Variants in DOCK2 observed in about 807,000 individuals in gnomAD.
DOCK2 encodes dedicator of cytokinesis 2, also known as dedicator of cytokinesis protein 2.
Under a neutral mutation model 248.9 loss-of-function variants are expected in DOCK2, and 87 were observed. The ratio of observed to expected loss-of-function variants is 0.35; its 90% CI spans 0.29 to 0.42. The LOEUF (loss-of-function observed/expected upper bound fraction) is 0.42. Among genes scored for constraint, DOCK2 ranks in the 10% least tolerant of loss-of-function variants. The probability of loss-of-function intolerance (pLI) is 1.00; values close to 1 mark genes in which losing one functional copy is unlikely to be tolerated. For missense variants in DOCK2, 1,747 were observed against 2,300.2 expected (o/e 0.76, Z 4.92); for synonymous variants, 805 against 821.6 (o/e 0.98, Z 0.35).
At chr5:169,877,890 G>A (rs866434140) in intron 27 of DOCK2, among the ~76,000 whole-genome samples, 6 of 152,044 alleles carry the variant, frequency 3.9e-5, no homozygotes, top group Admixed American at 6.6e-5. Flanking sequence ...ACCGAAAACC[G>A]TAAGGTTGCA....
intron 30 of DOCK2, among the ~76,000 whole-genome samples, chr5:170,008,210 CAACAACAACAACAACAAA>C: frequency 1.7e-5 from 1 of 58,460 alleles, no homozygotes; most frequent in East Asian, 4.4e-4. Context: ...ACAACAACAA[CAACAACAACAACAACAAA>C]AAAAAAAAAA....
chr5:169,919,942 G>C (rs1240093859), intron 27 of DOCK2, among the ~76,000 whole-genome samples: 2 of 152,168 alleles, frequency 1.3e-5, no homozygotes, highest in African/African-American at 4.8e-5. Context: ...CTGAAATTAT[G>C]CCAAGTAACT....
At chr5:170,006,426 C>T (rs1439112666) in intron 30 of DOCK2, among the ~76,000 whole-genome samples, 2 of 152,166 alleles carry the variant, frequency 1.3e-5, no homozygotes, top group Admixed American at 1.3e-4. Flanking sequence ...GATTCTCCTG[C>T]CTCAGTCTCC....
At chr5:169,867,614 T>A (rs369792168) in intron 27 of DOCK2, among the ~76,000 whole-genome samples, 14 of 111,402 alleles carry the variant, frequency 1.3e-4, no homozygotes, top group African/African-American at 5.4e-4. Flanking sequence ...CTATCATGTA[T>A]CATTATCTAT....
chr5:169,704,759 A>ATGTGTGTG (rs56289708), intron 14 of DOCK2, among the ~76,000 whole-genome samples: 84 of 140,012 alleles, frequency 6.0e-4, no homozygotes, highest in African/African-American at 1.3e-3. Context: ...CTCCATATAT[A>ATGTGTGTG]TGTGTGTGTG....
At position 169,689,172 on chromosome 5, in the gene DOCK2, A is replaced by G. The variant is rs573918827; in HGVS notation, c.762-80A>G. The G allele has an allele frequency of 3.6e-6, 5 of 1,394,028 alleles. No homozygotes were observed. The African/African-American group carries it at 7.0e-5, about 20-fold the overall frequency. The allele number at this position is 1,394,028 out of a possible 1,614,324, so 86.4% of individuals were successfully genotyped here. A position where few individuals can be genotyped will look rare whatever the true frequency, so the allele number is the denominator to read the frequency against. ...GCAGCCAGTATGGTGTTGGGCACAT[A>G]GTAGATGCTTGGTGAATGTTTTGAC... On this transcript the variant is annotated intron_variant, in intron 8 of 51. Coordinates refer to ENST00000520908, the MANE Select transcript of DOCK2 (RefSeq NM_004946.3).
At chr5:169,989,875 A>G (rs542939050) in intron 29 of DOCK2, among the ~76,000 whole-genome samples, 6 of 152,272 alleles carry the variant, frequency 3.9e-5, no homozygotes, top group East Asian at 1.9e-4. Flanking sequence ...TTCTATTTCT[A>G]TGGTTTGGGT....
intron 23 of DOCK2, among the ~76,000 whole-genome samples, chr5:169,759,038 C>G (rs2113731713): frequency 1.3e-5 from 2 of 152,330 alleles, no homozygotes; most frequent in Non-Finnish European, 2.9e-5. Context: ...TGCTGCTTAG[C>G]AAGTGGTGTT....
At chr5:170,082,152 G>A (rs1758057583) in intron 51 of DOCK2, among the ~76,000 whole-genome samples, 168 bp downstream of exon 51, 1 of 152,130 alleles carries the variant, frequency 6.6e-6, no homozygotes, top group African/African-American at 2.4e-5. Flanking sequence ...TGCCCAGAGG[G>A]CAGTTCTCCT....
chr5:169,827,860 C>G (rs1008619452), intron 26 of DOCK2, among the ~76,000 whole-genome samples: 2 of 139,750 alleles, frequency 1.4e-5, no homozygotes, highest in African/African-American at 6.0e-5. Context: ...AATTAGAAAA[C>G]ATTAAAAACA....
intron 27 of DOCK2, among the ~76,000 whole-genome samples, chr5:169,849,888 T>TA (rs1485236172): frequency 6.6e-6 from 1 of 152,220 alleles, no homozygotes; most frequent in African/African-American, 2.4e-5. Flanking sequence ...AACCACCTCT[T>TA]ACGGTTGTCC....
At chr5:169,664,453 G>A (rs1022555144) in intron 2 of DOCK2, among the ~76,000 whole-genome samples, 8 of 152,130 alleles carry the variant, frequency 5.3e-5, no homozygotes, top group African/African-American at 1.7e-4. Flanking sequence ...AGCAGTCCCC[G>A]ACTTCTCTCA....
At chr5:169,819,232 C>T (rs1378512413) in intron 26 of DOCK2, among the ~76,000 whole-genome samples, 1 of 152,188 alleles carries the variant, frequency 6.6e-6, no homozygotes, top group Admixed American at 6.5e-5. Flanking sequence ...ATCACTTGAA[C>T]CTGGGAGGCA....
chr5:169,944,262 C>T (rs1194372259), intron 27 of DOCK2, among the ~76,000 whole-genome samples: 1 of 152,204 alleles, frequency 6.6e-6, no homozygotes, highest in Non-Finnish European at 1.5e-5. Flanking sequence ...TTTCCTGTGA[C>T]CTGCCCATGC....
chr5:170,026,114 C>T (rs1404841426), intron 33 of DOCK2, among the ~76,000 whole-genome samples: 2 of 152,084 alleles, frequency 1.3e-5, no homozygotes, highest in South Asian at 2.1e-4. Flanking sequence ...TTGGTCCCTC[C>T]CTTAGATCCT....
At position 170,076,068 on chromosome 5, in the gene DOCK2, A is replaced by T; in HGVS notation, c.4850A>T (p.Tyr1617Phe). 1.9e-6 allele frequency: 3 copies of T among 1,613,312 alleles called. No individual in the cohort carries two copies. Among genetic ancestry groups the T allele is most frequent in the Non-Finnish European group, 2.5e-6 (3 of 1,179,546 alleles). The change falls in exon 47 of 52, where the codon TAC becomes TTC. Residue 1617 changes from tyrosine (Y) to phenylalanine (F), a missense_variant. Around this residue, in one of 4 missense-constraint regions of DOCK2, gnomAD observed 513 missense variants for 586.1 expected, o/e 0.88. Transcript: ENST00000520908. ...KNLKMKVEKE[Y>F]GVREMPDFDD... The stretch of plus-strand genomic sequence containing the variant: ...CTGAAAATGAAGGTGGAGAAGGAGT[A>T]CGGTGTCCGAGAGATGGTATGGGTG...
chr5:169,714,499 C>A (rs1761792209), intron 19 of DOCK2, 42 bp downstream of exon 19: 2 of 1,603,104 alleles, frequency 1.2e-6, no homozygotes, highest in South Asian at 1.1e-5. Context: ...ACACTAGTGA[C>A]AGAACTCTCC....
At chr5:169,864,130 C>A (rs945949017) in intron 27 of DOCK2, 8 of 730,032 alleles carry the variant, frequency 1.1e-5, no homozygotes, top group Admixed American at 2.6e-5. Flanking sequence ...GCTACATCAG[C>A]TCCAAGGCTC....
chr5:170,007,854 A>G (rs1400449013), intron 30 of DOCK2, among the ~76,000 whole-genome samples: 1 of 152,188 alleles, frequency 6.6e-6, no homozygotes, highest in Non-Finnish European at 1.5e-5. Context: ...GCAGATTTCT[A>G]GGTCCCACCC....
Sources: allele counts gnomAD v4.1 joint callset (sites outside exome capture counted in the v4.1 genomes callset), GRCh38; gene constraint gnomAD v4.1.1; regional missense constraint gnomAD v4.1.1; transcripts MANE v1.5; gene names NCBI Gene and HGNC (gene_info 2026-07-23, HGNC 2026-07-21).